KITLG: variants seen among roughly 807,000 people sequenced by gnomAD.
KITLG encodes c-Kit ligand.
Under a neutral mutation model 34.1 loss-of-function variants are expected in KITLG, and 13 were observed. The ratio of observed to expected loss-of-function variants is 0.38; its 90% confidence interval spans 0.25 to 0.61. The LOEUF is 0.61. Among genes scored for constraint, KITLG ranks in the 20% least tolerant of loss-of-function variants. The pLI is 0.60. For missense variants in KITLG, 292 were observed against 318.9 expected (o/e 0.92, Z 0.64); for synonymous variants, 110 against 104.0 (o/e 1.06, Z -0.35).
At chr12:88,558,870 T>C (rs1410493338) in intron 1 of KITLG, among the ~76,000 whole-genome samples, 2 of 152,202 alleles carry the variant, frequency 1.3e-5, no homozygotes, top group South Asian at 2.1e-4. Flanking sequence ...TTAAAAGATA[T>C]ACAACGTTGT....
rs1871783203 is a variant in KITLG at position 88,574,977 on chromosome 12, A to G, written c.15+5287T>C. Among the ~76,000 whole-genome samples, 3 of 152,256 alleles carry G rather than the reference A, an allele frequency of 2.0e-5. No individual in the cohort carries two copies. In the South Asian group the frequency reaches 6.2e-4, roughly 32 times the overall value. ...AACAGTCTAAATTTAAATCTCCTTC[A>G]TTTCTCCCCATTGGCTTATTCATAA... On this transcript the variant is annotated intron_variant, in intron 1 of 9. Transcript: ENST00000644744.
chr12:88,551,344 T>C (rs906836775), intron 1 of KITLG, among the ~76,000 whole-genome samples: 1 of 152,198 alleles, frequency 6.6e-6, no homozygotes, highest in Non-Finnish European at 1.5e-5. Flanking sequence ...CTTACTTCTT[T>C]ATATAAAAAA....
chr12:88,537,565 T>A lies in KITLG; in HGVS notation c.130-5062A>T, dbSNP rs575363248. On this transcript the variant is annotated intron_variant, in intron 2 of 9. Coordinates refer to ENST00000644744, the MANE Select transcript of KITLG (RefSeq NM_000899.5). ...GATGGGATCAATCATACCCCAAACCTCAGCATCATACAATATACCCAAGTA... is the reference window on the plus strand; with the variant it reads ...GATGGGATCAATCATACCCCAAACCACAGCATCATACAATATACCCAAGTA... Among the ~76,000 whole-genome samples the A allele has an allele frequency of 2.0e-5, 3 of 151,966 alleles. No homozygotes were observed. In the South Asian group the frequency reaches 6.2e-4, roughly 32 times the overall value.
intron 3 of KITLG, among the ~76,000 whole-genome samples, chr12:88,530,020 C>T (rs756244559): frequency 1.3e-5 from 2 of 152,054 alleles, no homozygotes; most frequent in South Asian, 2.1e-4. Context: ...TATCACAAGC[C>T]GACATTGAAA....
At chr12:88,546,540 A>AT (rs1870727494) in intron 1 of KITLG, among the ~76,000 whole-genome samples, 1 of 152,022 alleles carries the variant, frequency 6.6e-6, no homozygotes, top group Non-Finnish European at 1.5e-5. Context: ...TGAAAATAAC[A>AT]TTTTCTATTA....
At chr12:88,511,239 A>G (rs1869266758) in intron 6 of KITLG, among the ~76,000 whole-genome samples, 1 of 152,234 alleles carries the variant, frequency 6.6e-6, no homozygotes, top group South Asian at 2.1e-4. Context: ...CGATGGTAGC[A>G]GACTAGCCTT....
At position 88,493,107 on chromosome 12, in the gene KITLG, G is replaced by A; in HGVS notation, c.*4112C>T. On this transcript the variant is annotated 3_prime_UTR_variant, in exon 10 of 10. Transcript: ENST00000644744. ...TTCAAGTCCATTGATTTAAAAAAAT[G>A]GTGGCAAGTGGACACTATAATCACA... 6.6e-6 allele frequency: 1 copy of A among 152,156 alleles called. No individual in the cohort carries two copies. Among genetic ancestry groups the A allele is most frequent in the East Asian group, 1.9e-4 (1 of 5,170 alleles). The allele number at this position is 152,156 out of a possible 1,614,324, so 9.4% of individuals were successfully genotyped here. A position where few individuals can be genotyped will look rare whatever the true frequency, so the allele number is the denominator to read the frequency against.
At chr12:88,522,731 A>T (rs753692411) in intron 3 of KITLG, among the ~76,000 whole-genome samples, 1 of 152,124 alleles carries the variant, frequency 6.6e-6, no homozygotes, top group Non-Finnish European at 1.5e-5. Flanking sequence ...CCCACCCCAC[A>T]GACAGTCTTT....
intron 3 of KITLG, among the ~76,000 whole-genome samples, chr12:88,527,345 A>G (rs2120867750): frequency 6.6e-6 from 1 of 152,328 alleles, no homozygotes; most frequent in African/African-American, 2.4e-5. Context: ...ATCCTCAGGT[A>G]TCAAAGAAAA....
rs1005517225 is a variant in KITLG, at chr12:88,577,520, G to A, written c.15+2744C>T. Among the ~76,000 whole-genome samples, 23 of 152,228 alleles carry A rather than the reference G, an allele frequency of 1.5e-4. 1 individual carries two copies. The highest frequency in any genetic ancestry group is 6.8e-3 in the Middle Eastern group (2 of 294). On this transcript the variant is annotated intron_variant, in intron 1 of 9. Transcript: ENST00000644744. ...TGCCTTGATTGTTATCCAATATGGT[G>A]TATCAGAATATTATGTTTAAAAAAT... is the stretch of plus-strand genomic sequence containing the variant.
chr12:88,511,256 C>T (rs1024505605), intron 6 of KITLG, among the ~76,000 whole-genome samples: 3 of 152,102 alleles, frequency 2.0e-5, no homozygotes, highest in Non-Finnish European at 4.4e-5. Context: ...CCTTTCCAAC[C>T]TAAGTAATTA....
intron 2 of KITLG, among the ~76,000 whole-genome samples, chr12:88,541,410 C>A (rs1870513502): frequency 6.6e-6 from 1 of 151,992 alleles, no homozygotes; most frequent in Non-Finnish European, 1.5e-5. Context: ...AACATTTTTT[C>A]TTTTTAGCAA....
At chr12:88,575,629 T>C (rs1219619085) in intron 1 of KITLG, among the ~76,000 whole-genome samples, 3 of 152,188 alleles carry the variant, frequency 2.0e-5, no homozygotes, top group African/African-American at 7.2e-5. Flanking sequence ...CAGCATATAT[T>C]ATAAAAATAT....
At chr12:88,531,413 T>A (rs1240298502) in intron 3 of KITLG, among the ~76,000 whole-genome samples, 9 of 152,208 alleles carry the variant, frequency 5.9e-5, no homozygotes, top group Non-Finnish European at 8.8e-5. Flanking sequence ...ATTAAAAATA[T>A]ATTTGAAGCA....
intron 2 of KITLG, among the ~76,000 whole-genome samples, chr12:88,534,326 A>G (rs1030802419): frequency 3.3e-5 from 5 of 152,102 alleles, no homozygotes; most frequent in African/African-American, 1.2e-4. Flanking sequence ...AATCTTCACC[A>G]TCAACCTTCT....
chr12:88,550,864 G>C (rs1298201093), intron 1 of KITLG, among the ~76,000 whole-genome samples: 1 of 152,144 alleles, frequency 6.6e-6, no homozygotes, highest in Admixed American at 6.5e-5. Context: ...TATTATTCAA[G>C]TCATCATAAT....
At chr12:88,546,168 C>T (rs1405226795) in intron 1 of KITLG, 1 of 423,192 alleles carries the variant, frequency 2.4e-6, no homozygotes, top group Non-Finnish European at 4.4e-6. Flanking sequence ...AGACTTAGCC[C>T]TTAGGGTATC....
At chr12:88,523,286 A>G (rs1869742865) in intron 3 of KITLG, among the ~76,000 whole-genome samples, 1 of 152,202 alleles carries the variant, frequency 6.6e-6, no homozygotes, top group Non-Finnish European at 1.5e-5. Flanking sequence ...AAGCGGGAAA[A>G]TCAAGGCTTA....
chr12:88,509,787 C>A lies in KITLG; in HGVS notation c.605-2650G>T, dbSNP rs897982997. Reference sequence around the variant, plus strand: ...ATCAGGGATACTACTGTCCCTCTTGCAGGCAGACAAAAAGAACTTTATCAG... The same window carrying A: ...ATCAGGGATACTACTGTCCCTCTTGAAGGCAGACAAAAAGAACTTTATCAG... On this transcript the variant is annotated intron_variant, in intron 6 of 9. Coordinates refer to ENST00000644744, the MANE Select transcript of KITLG (RefSeq NM_000899.5). 5.3e-5 allele frequency among the ~76,000 whole-genome samples: 8 copies of A among 152,174 alleles called. No homozygotes were observed. The East Asian group carries it at 1.2e-3, about 22-fold the overall frequency.
Sources: gnomAD v4.1 joint callset for allele counts (sites outside exome capture counted in the v4.1 genomes callset) on GRCh38, gnomAD v4.1.1 for gene constraint, MANE v1.5 for transcripts, NCBI Gene and HGNC (gene_info 2026-07-23, HGNC 2026-07-21) for gene names.